The following FNBP1L variants were observed in gnomAD, a reference collection of about 807,000 sequenced individuals.
FNBP1L encodes formin-binding protein 1-like.
Under a neutral mutation model 91.2 loss-of-function variants are expected in FNBP1L, and 36 were observed. The ratio of observed to expected loss-of-function variants is 0.39; its 90% CI spans 0.30 to 0.52. FNBP1L has a LOEUF of 0.52. FNBP1L is among the 20% of genes least tolerant of loss of function. The pLI is 0.66. For missense variants in FNBP1L, 571 were observed against 732.1 expected (o/e 0.78, Z 2.54); for synonymous variants, 242 against 237.0 (o/e 1.02, Z -0.19).
rs183447875 is a variant in FNBP1L, at chr1:93,465,679, T to G, written c.24+17374T>G. On this transcript the variant is annotated intron_variant, in intron 1 of 16. Transcript: ENST00000271234. ...CAGTAAACATATGTGTACATATGTC[T>G]TTATAGTAGCATGATTTGTAATCCT... Among the ~76,000 whole-genome samples, 245 of 152,338 alleles carry G rather than the reference T, an allele frequency of 1.6e-3. 1 individual carries two copies. The highest frequency in any genetic ancestry group is 5.7e-3 in the African/African-American group (236 of 41,584).
intron 2 of FNBP1L, among the ~76,000 whole-genome samples, chr1:93,504,677 C>T (rs762253791): frequency 2.0e-5 from 3 of 152,184 alleles, no homozygotes; most frequent in Admixed American, 6.5e-5. Flanking sequence ...CCACCCTAAT[C>T]GGTGTGAGTT....
chr1:93,480,217 G>A (rs1669648132), intron 1 of FNBP1L, among the ~76,000 whole-genome samples: 1 of 152,144 alleles, frequency 6.6e-6, no homozygotes, highest in Non-Finnish European at 1.5e-5. Flanking sequence ...GAACAATTTA[G>A]TGAAGAGAAC....
At chr1:93,500,139 T>C (rs980918051) in intron 2 of FNBP1L, among the ~76,000 whole-genome samples, 11 of 152,188 alleles carry the variant, frequency 7.2e-5, no homozygotes, top group African/African-American at 2.7e-4. Flanking sequence ...ACTTATTCAG[T>C]AAAAATGGTG....
chr1:93,472,534 C>T (rs545459485), intron 1 of FNBP1L, among the ~76,000 whole-genome samples: 6 of 151,836 alleles, frequency 4.0e-5, no homozygotes, highest in South Asian at 2.1e-4. Context: ...AATCCTCGGC[C>T]GGGCGTGGTG....
intron 1 of FNBP1L, among the ~76,000 whole-genome samples, chr1:93,491,711 A>C (rs1670097177): frequency 6.6e-6 from 1 of 152,214 alleles, no homozygotes; most frequent in South Asian, 2.1e-4. Context: ...GGTGCCTTTT[A>C]AAGCTGATTG....
intron 1 of FNBP1L, among the ~76,000 whole-genome samples, chr1:93,459,895 C>T (rs948074625): frequency 2.0e-5 from 3 of 151,034 alleles, no homozygotes; most frequent in African/African-American, 4.9e-5. Context: ...TTAAGTGCCC[C>T]TTCTCTGAAA....
At chr1:93,500,454 G>A (rs2101726013) in intron 2 of FNBP1L, among the ~76,000 whole-genome samples, 1 of 152,180 alleles carries the variant, frequency 6.6e-6, no homozygotes, top group Middle Eastern at 3.4e-3. Flanking sequence ...CCTTTGGGGA[G>A]AAAGGAAGGG....
chr1:93,540,077 T>C (rs956137645), intron 10 of FNBP1L, among the ~76,000 whole-genome samples: 5 of 152,234 alleles, frequency 3.3e-5, no homozygotes, highest in African/African-American at 7.2e-5. Flanking sequence ...TGTGTGTGTA[T>C]GTGTGTGGGT....
At chr1:93,531,694 C>T (rs1038160768) in intron 7 of FNBP1L, among the ~76,000 whole-genome samples, 16 of 152,178 alleles carry the variant, frequency 1.1e-4, no homozygotes, top group Non-Finnish European at 1.0e-4. Context: ...CACTGTGATG[C>T]TTTTCTAGGC....
intron 2 of FNBP1L, among the ~76,000 whole-genome samples, chr1:93,505,110 C>CTTTTTTT (rs61426757): frequency 3.2e-5 from 4 of 125,230 alleles, no homozygotes; most frequent in African/African-American, 9.0e-5. Context: ...CAGCTTCATT[C>CTTTTTTT]TTTTTTTTTT....
chr1:93,470,159 G>A (rs1437577178), intron 1 of FNBP1L, among the ~76,000 whole-genome samples: 5 of 151,928 alleles, frequency 3.3e-5, no homozygotes. Context: ...TTTGAGATGG[G>A]TCTAGCTCTG....
At chr1:93,547,649 G>C (rs1422262666) in intron 14 of FNBP1L, among the ~76,000 whole-genome samples, 1 of 152,116 alleles carries the variant, frequency 6.6e-6, no homozygotes, top group Non-Finnish European at 1.5e-5. Flanking sequence ...AGTTTGTCAT[G>C]CATCCAAACA....
At chr1:93,521,987 A>T (rs893569029) in intron 2 of FNBP1L, 95 bp from the exon 3 acceptor site, 2 of 654,770 alleles carry the variant, frequency 3.1e-6, no homozygotes, top group African/African-American at 3.8e-5. Flanking sequence ...TTATATCATA[A>T]AATTCATGAT....
chr1:93,545,450 A>G (rs1311716855), intron 12 of FNBP1L, among the ~76,000 whole-genome samples: 3 of 152,184 alleles, frequency 2.0e-5, no homozygotes, highest in South Asian at 2.1e-4. Context: ...TGTTCTTGCC[A>G]TGGACTGGAA....
chr1:93,514,358 A>G lies in FNBP1L; in HGVS notation c.141-7724A>G, dbSNP rs867595990. Among the ~76,000 whole-genome samples the G allele has an allele frequency of 4.5e-3, 690 of 151,794 alleles. 1 individual carries two copies. Among genetic ancestry groups the G allele is most frequent in the Non-Finnish European group, 7.5e-3 (509 of 67,826 alleles). On this transcript the variant is annotated intron_variant, in intron 2 of 16. Transcript: ENST00000271234. ...CCATACTGCCCAAGGTAATTTACAG[A>G]TTCAATGCCATCCCCATCAAGCTAC...
At chr1:93,515,215 AT>A (rs1671042670) in intron 2 of FNBP1L, among the ~76,000 whole-genome samples, 1 of 152,194 alleles carries the variant, frequency 6.6e-6, no homozygotes. Flanking sequence ...CCACAATGAC[AT>A]ACCATCTCAC....
chr1:93,503,283 GAACT>G (rs1008678994), intron 2 of FNBP1L, among the ~76,000 whole-genome samples: 5 of 152,126 alleles, frequency 3.3e-5, no homozygotes, highest in Non-Finnish European at 7.4e-5. Context: ...GATCTCGTGA[GAACT>G]AACTCACTGT....
intron 2 of FNBP1L, among the ~76,000 whole-genome samples, chr1:93,512,567 A>G (rs1171344211): frequency 1.3e-5 from 2 of 151,848 alleles, no homozygotes; most frequent in East Asian, 3.9e-4. Flanking sequence ...ATTATAGCAA[A>G]CTATCTCTCA....
intron 1 of FNBP1L, among the ~76,000 whole-genome samples, chr1:93,469,286 C>G (rs1309058551): frequency 7.3e-6 from 1 of 136,794 alleles, no homozygotes; most frequent in Non-Finnish European, 1.5e-5. Context: ...CTCCCTGTGT[C>G]CATGTGTTCT....
Sources: allele counts gnomAD v4.1 joint callset (sites outside exome capture counted in the v4.1 genomes callset), GRCh38; gene constraint gnomAD v4.1.1; transcripts MANE v1.5; gene names NCBI Gene and HGNC (gene_info 2026-07-23, HGNC 2026-07-21).